The following CPPED1 variants were observed in gnomAD, a reference collection of about 807,000 sequenced individuals.
The protein encoded by CPPED1 is serine/threonine-protein phosphatase CPPED1.
Under a neutral mutation model 28.0 loss-of-function variants are expected in CPPED1, and 28 were observed. That is an observed-to-expected ratio of 1.00 (90% CI 0.74 to 1.37). The LOEUF is 1.37. Among genes scored for constraint, CPPED1 ranks in the 40% most tolerant of loss-of-function variants. The pLI, the probability that CPPED1 is intolerant of heterozygous loss-of-function variation, is 0.00. For missense variants in CPPED1, 504 were observed against 416.5 expected (o/e 1.21, Z -1.83); for synonymous variants, 198 against 180.2 (o/e 1.10, Z -0.79).
Position 12,665,121 on chromosome 16 carries a change from G to T in CPPED1, c.716-6C>A, listed in dbSNP as rs778306213. 3.1e-6 allele frequency: 5 copies of T among 1,588,912 alleles called. No individual in the cohort carries two copies. The highest frequency in any genetic ancestry group is 4.3e-6 in the Non-Finnish European group (5 of 1,172,658). Reference sequence around the variant, plus strand: ...TGAGAACACGACTTTGACACCTGCAGAGAAGGGAAAAAGTCATTAGGGGGC... The same window carrying T: ...TGAGAACACGACTTTGACACCTGCATAGAAGGGAAAAAGTCATTAGGGGGC... On this transcript the variant is annotated splice_region_variant and splice_polypyrimidine_tract_variant and intron_variant, in intron 3 of 3. Coordinates refer to ENST00000381774, the MANE Select transcript of CPPED1 (RefSeq NM_018340.3).
intron 3 of CPPED1, among the ~76,000 whole-genome samples, chr16:12,679,522 A>G (rs1227561736): frequency 6.6e-6 from 1 of 152,236 alleles, no homozygotes; most frequent in Admixed American, 6.5e-5. Context: ...AAATGTGTAT[A>G]CTACTATATA....
At chr16:12,705,868 T>A (rs1236097319) in intron 2 of CPPED1, among the ~76,000 whole-genome samples, 1 of 152,210 alleles carries the variant, frequency 6.6e-6, no homozygotes, top group Non-Finnish European at 1.5e-5. Flanking sequence ...ATCAAACTCA[T>A]TAATGGTGTG....
chr16:12,799,697 T>TCC, intron 1 of CPPED1, among the ~76,000 whole-genome samples: 1 of 152,176 alleles, frequency 6.6e-6, no homozygotes, highest in Non-Finnish European at 1.5e-5. Flanking sequence ...GAATTGTCAA[T>TCC]GAGTGCAATG....
At chr16:12,800,222 T>A (rs1034812452) in intron 1 of CPPED1, among the ~76,000 whole-genome samples, 7 of 152,142 alleles carry the variant, frequency 4.6e-5, no homozygotes, top group African/African-American at 1.7e-4. Flanking sequence ...CCGAGGTGCC[T>A]GAGGTCAGGA....
At chr16:12,744,306 A>T (rs1293538712) in intron 2 of CPPED1, among the ~76,000 whole-genome samples, 1 of 150,726 alleles carries the variant, frequency 6.6e-6, no homozygotes. Context: ...GAAAGCAAGC[A>T]AGCAAGCAAG....
At chr16:12,692,428 A>G (rs1236312621) in intron 3 of CPPED1, among the ~76,000 whole-genome samples, 3 of 152,182 alleles carry the variant, frequency 2.0e-5, no homozygotes, top group African/African-American at 7.2e-5. Flanking sequence ...ACATTTTTCA[A>G]TAACCATGAT....
chr16:12,799,038 G>A (rs11864912), intron 1 of CPPED1, among the ~76,000 whole-genome samples: 3,430 of 152,214 alleles, frequency 0.023, 87 homozygotes, highest in African/African-American at 0.064. Flanking sequence ...TGTTACTCAC[G>A]TAAATCACCG....
intron 2 of CPPED1, 185 bp downstream of exon 2, chr16:12,781,000 A>G: frequency 3.3e-6 from 2 of 600,088 alleles, no homozygotes; most frequent in Non-Finnish European, 5.9e-6. Context: ...TAATCTCGCC[A>G]AACTCTAAAT....
rs1356201913 is a variant in CPPED1 at position 12,704,823 on chromosome 16, G to A, written c.516C>T (p.Ser172=). Residue 172 remains serine (S), a synonymous_variant, in exon 3 of 4, where the codon TCC becomes TCT. Coordinates refer to ENST00000381774, the MANE Select transcript of CPPED1 (RefSeq NM_018340.3). ...VLNSQFYENP[S]KCPSLKQAQD... is the part of the protein sequence containing the mutation. Reference sequence around the variant, plus strand: ...GAGCCTGCTTCAGGCTGGGGCATTTGGAGGGGTTCTCGTAGAACTGGGAGT... The same window carrying A: ...GAGCCTGCTTCAGGCTGGGGCATTTAGAGGGGTTCTCGTAGAACTGGGAGT... 1.2e-6 allele frequency: 2 copies of A among 1,614,216 alleles called. No homozygotes were observed. The highest frequency in any genetic ancestry group is 1.7e-6 in the Non-Finnish European group (2 of 1,180,038).
intron 3 of CPPED1, among the ~76,000 whole-genome samples, chr16:12,677,958 G>GA (rs1484566228): frequency 1.3e-5 from 2 of 152,172 alleles, no homozygotes; most frequent in Admixed American, 1.3e-4. Context: ...AACAGCCATA[G>GA]AAAGTATATA....
chr16:12,719,187 C>G (rs1022530754), intron 2 of CPPED1, among the ~76,000 whole-genome samples: 1 of 152,050 alleles, frequency 6.6e-6, no homozygotes, highest in Admixed American at 6.6e-5. Context: ...GTCAGGAGAT[C>G]GAGACCATCC....
chr16:12,715,691 G>C (rs1399792056), intron 2 of CPPED1, among the ~76,000 whole-genome samples: 1 of 151,136 alleles, frequency 6.6e-6, no homozygotes, highest in African/African-American at 2.4e-5. Flanking sequence ...CTATCTTCCA[G>C]ATAATTTTGT....
chr16:12,698,575 G>A (rs1345387269), intron 3 of CPPED1, among the ~76,000 whole-genome samples: 1 of 152,112 alleles, frequency 6.6e-6, no homozygotes, highest in Non-Finnish European at 1.5e-5. Flanking sequence ...GGGACTACAG[G>A]TGCCTGCCAC....
intron 1 of CPPED1, among the ~76,000 whole-genome samples, chr16:12,787,498 C>T (rs1336219273): frequency 1.3e-5 from 2 of 150,488 alleles, no homozygotes; most frequent in Non-Finnish European, 1.5e-5. Flanking sequence ...CTCTGCGTCT[C>T]GGTTCAAGTG....
Position 12,759,623 on chromosome 16 carries a change from TG to T in CPPED1, c.289+21561del, listed in dbSNP as rs539420106. ...ACCCCCGTGTGTCAAGGGAGGGACC[TG>T]GTGGGAAGTGATTGGATCATGGGGT... On this transcript the variant is annotated intron_variant, in intron 2 of 3. Coordinates refer to ENST00000381774, the MANE Select transcript of CPPED1 (RefSeq NM_018340.3). Among the ~76,000 whole-genome samples the T allele has an allele frequency of 6.8e-4, 104 of 152,312 alleles. 1 individual carries two copies. The highest frequency in any genetic ancestry group is 2.4e-3 in the African/African-American group (99 of 41,580).
At chr16:12,755,001 C>G (rs987081904) in intron 2 of CPPED1, among the ~76,000 whole-genome samples, 2 of 152,086 alleles carry the variant, frequency 1.3e-5, no homozygotes, top group Non-Finnish European at 2.9e-5. Context: ...ACAGAGAGAT[C>G]TGTTGTACAA....
intron 2 of CPPED1, among the ~76,000 whole-genome samples, chr16:12,745,333 G>C (rs144182056): frequency 6.6e-6 from 1 of 152,248 alleles, no homozygotes; most frequent in Non-Finnish European, 1.5e-5. Flanking sequence ...CATACCCAGA[G>C]GAATATAAAG....
intron 2 of CPPED1, among the ~76,000 whole-genome samples, chr16:12,741,043 C>T (rs1176578433): frequency 6.6e-6 from 1 of 152,206 alleles, no homozygotes; most frequent in Non-Finnish European, 1.5e-5. Context: ...GCCAGCATTG[C>T]ACTAGATAAC....
intron 1 of CPPED1, among the ~76,000 whole-genome samples, chr16:12,801,464 T>A (rs1046745956): frequency 1.2e-4 from 18 of 151,158 alleles, no homozygotes; most frequent in African/African-American, 3.4e-4. Flanking sequence ...AAAAAAAAAA[T>A]AATACAGCAG....
Sources: gnomAD v4.1 joint callset for allele counts (sites outside exome capture counted in the v4.1 genomes callset) on GRCh38, gnomAD v4.1.1 for gene constraint, MANE v1.5 for transcripts, NCBI Gene and HGNC (gene_info 2026-07-23, HGNC 2026-07-21) for gene names.